The following CDH4 variants were observed in gnomAD, a reference collection of about 807,000 sequenced individuals.
CDH4 encodes the protein cadherin 4, also known as cadherin-4.
Under a neutral mutation model 86.0 loss-of-function variants are expected in CDH4, and 33 were observed. That is an observed-to-expected ratio of 0.38 (90% CI 0.29 to 0.51). The LOEUF (loss-of-function observed/expected upper bound fraction) is 0.51, where lower values mean the gene tolerates loss of function less well. CDH4 is among the 20% of genes least tolerant of loss of function. CDH4 has a pLI of 0.86. For synonymous variants in CDH4, 555 were observed against 549.4 expected, an observed-to-expected ratio of 1.01 and a Z score of -0.14; for missense variants, 1,114 against 1,307.4, an observed-to-expected ratio of 0.85 and a Z score of 2.28.
At chr20:61,795,847 GTGAA>G (rs1304816919) in intron 4 of CDH4, among the ~76,000 whole-genome samples, 1 of 151,988 alleles carries the variant, frequency 6.6e-6, no homozygotes, top group Non-Finnish European at 1.5e-5. Context: ...GAATGAATGA[GTGAA>G]TGAATGAATG....
chr20:61,641,086 G>T (rs564424988), intron 2 of CDH4, among the ~76,000 whole-genome samples: 1 of 152,306 alleles, frequency 6.6e-6, no homozygotes, highest in Non-Finnish European at 1.5e-5. Context: ...CCAGCCCTGT[G>T]CTGCCCTCTC....
chr20:61,672,805 C>T (rs1600861109), intron 2 of CDH4, among the ~76,000 whole-genome samples: 5 of 152,206 alleles, frequency 3.3e-5, no homozygotes, highest in Admixed American at 1.3e-4. Flanking sequence ...GACTGGGGCC[C>T]TGTGTCCCTG....
intron 2 of CDH4, among the ~76,000 whole-genome samples, chr20:61,346,518 C>T (rs915044495): frequency 2.6e-5 from 4 of 151,980 alleles, no homozygotes; most frequent in African/African-American, 9.7e-5. Flanking sequence ...CTGAGGCAGG[C>T]GGATCACCTG....
intron 2 of CDH4, among the ~76,000 whole-genome samples, chr20:61,289,574 A>G (rs1366971065): frequency 6.6e-6 from 1 of 152,248 alleles, no homozygotes; most frequent in Non-Finnish European, 1.5e-5. Flanking sequence ...ACCACAGGCC[A>G]GTGGCAGTCC....
In CDH4 at chr20:61,821,892, C is replaced by T. The variant is rs138344868; in HGVS notation, c.577-22776C>T. On this transcript the variant is annotated intron_variant, in intron 4 of 15. Transcript: ENST00000614565. ...ATGAGTAACACACCCTGTGGTTCTC[C>T]AGCCAGGTGGGCCCTTCAGGGCAGG... Among the ~76,000 whole-genome samples the T allele has an allele frequency of 1.4e-3, 219 of 152,380 alleles. 1 individual carries two copies. Among genetic ancestry groups the T allele is most frequent in the African/African-American group, 4.5e-3 (187 of 41,594 alleles).
At chr20:61,572,999 C>T (rs113711794) in intron 2 of CDH4, among the ~76,000 whole-genome samples, 4,131 of 139,384 alleles carry the variant, frequency 0.03, 198 homozygotes, top group African/African-American at 0.11. Context: ...GACGGACGGA[C>T]GGATGGATGG....
At chr20:61,629,753 C>T (rs2086866283) in intron 2 of CDH4, among the ~76,000 whole-genome samples, 1 of 152,188 alleles carries the variant, frequency 6.6e-6, no homozygotes, top group Non-Finnish European at 1.5e-5. Context: ...CCACGCGGCT[C>T]CCTGCCCCCA....
intron 2 of CDH4, among the ~76,000 whole-genome samples, chr20:61,498,327 T>A (rs1418840620): frequency 2.0e-5 from 3 of 152,142 alleles, no homozygotes; most frequent in Admixed American, 1.3e-4. Flanking sequence ...AAAAAGGAGT[T>A]TCAGAATGTT....
intron 2 of CDH4, among the ~76,000 whole-genome samples, chr20:61,331,654 G>GACCCACCTCCTGACCCGA (rs2084578552): frequency 1.7e-3 from 5 of 2,860 alleles, no homozygotes; most frequent in African/African-American, 4.1e-3. Flanking sequence ...TCCCGCCCCA[G>GACCCACCTCCTGACCCGA]CCACCTGCCC....
Position 61,661,090 on chromosome 20 carries a change from G to GC in CDH4, c.170-82473_170-82472insC, listed in dbSNP as rs958309521. On this transcript the variant is annotated intron_variant, in intron 2 of 15. Transcript: ENST00000614565. ...GCATGGACAGGAGGCATGGCGGGGG[G>GC]GGGGGAGACACAGTGCCAGGCTCAT... 1.8e-4 allele frequency among the ~76,000 whole-genome samples: 25 copies of GC among 141,732 alleles called. 6 individuals carry two copies. Among genetic ancestry groups the GC allele is most frequent in the East Asian group, 2.0e-4 (1 of 5,080 alleles). The allele number at this position is 141,732 out of a possible 152,430, so 93.0% of individuals were successfully genotyped here.
chr20:61,711,299 A>G (rs6061324), intron 2 of CDH4, among the ~76,000 whole-genome samples: 47,082 of 152,116 alleles, frequency 0.31, 8,983 homozygotes, highest in Non-Finnish European at 0.42. Flanking sequence ...CTCCCCAGCC[A>G]TGCTGAACTG....
intron 2 of CDH4, among the ~76,000 whole-genome samples, chr20:61,719,937 A>G (rs914295255): frequency 7.9e-5 from 12 of 152,174 alleles, no homozygotes; most frequent in Non-Finnish European, 1.8e-4. Flanking sequence ...GTGATAAGAC[A>G]TTGCGGTGTG....
At chr20:61,912,017 C>T (rs368869982) in intron 9 of CDH4, among the ~76,000 whole-genome samples, 1 of 152,196 alleles carries the variant, frequency 6.6e-6, no homozygotes, top group African/African-American at 2.4e-5. Flanking sequence ...GAAACCCTGG[C>T]TGCTTCTATC....
intron 2 of CDH4, among the ~76,000 whole-genome samples, chr20:61,578,061 A>C (rs2086397350): frequency 6.6e-6 from 1 of 152,066 alleles, no homozygotes; most frequent in Non-Finnish European, 1.5e-5. Context: ...CTCCTTGGCA[A>C]ATCTCTCTGT....
chr20:61,852,666 C>T, intron 5 of CDH4, 88 bp from the exon 6 acceptor site: 2 of 1,413,220 alleles, frequency 1.4e-6, no homozygotes, highest in Non-Finnish European at 1.9e-6. Context: ...CCATCAGTCT[C>T]CTACCCCAGC....
At chr20:61,358,323 C>T (rs2084764449) in intron 2 of CDH4, among the ~76,000 whole-genome samples, 1 of 152,182 alleles carries the variant, frequency 6.6e-6, no homozygotes, top group Non-Finnish European at 1.5e-5. Context: ...AGCCTTGTGC[C>T]CTGCACACAG....
intron 5 of CDH4, 121 bp downstream of exon 5, chr20:61,844,944 T>C (rs1982368950): frequency 9.6e-7 from 1 of 1,040,650 alleles, no homozygotes; most frequent in Non-Finnish European, 1.3e-6. Context: ...GCACTCCAAC[T>C]TTGGCCTGGA....
chr20:61,688,184 G>C (rs115158651), intron 2 of CDH4, among the ~76,000 whole-genome samples: 2 of 151,982 alleles, frequency 1.3e-5, no homozygotes, highest in African/African-American at 4.8e-5. Flanking sequence ...GGGTGACGTC[G>C]TGACCAGAAA....
chr20:61,715,108 T>C (rs967119068), intron 2 of CDH4, among the ~76,000 whole-genome samples: 4 of 152,220 alleles, frequency 2.6e-5, no homozygotes, highest in Admixed American at 1.3e-4. Flanking sequence ...CCATTCTGTC[T>C]AGGGAAAGGT....
Sources: gnomAD v4.1 joint callset for allele counts (sites outside exome capture counted in the v4.1 genomes callset) on GRCh38, gnomAD v4.1.1 for gene constraint, MANE v1.5 for transcripts, NCBI Gene and HGNC (gene_info 2026-07-23, HGNC 2026-07-21) for gene names.